The following TPST2 variants were observed in gnomAD, a reference collection of about 807,000 sequenced individuals.
TPST2 encodes tyrosylprotein sulfotransferase 2, also known as protein-tyrosine sulfotransferase 2.
Under a neutral mutation model 27.8 loss-of-function variants are expected in TPST2, and 16 were observed. The observed-to-expected ratio is 0.58, with a 90% CI of 0.39 to 0.88. The LOEUF is 0.88. TPST2 is among the 40% of genes least tolerant of loss of function. The probability of loss-of-function intolerance (pLI) is 0.00; values close to 1 mark genes in which losing one functional copy is unlikely to be tolerated. For synonymous variants in TPST2, 229 were observed against 231.7 expected, an observed-to-expected ratio of 0.99 and a Z score of 0.10; for missense variants, 464 against 543.1, an observed-to-expected ratio of 0.85 and a Z score of 1.45.
intron 1 of TPST2, among the ~76,000 whole-genome samples, chr22:26,554,850 A>T (rs7288604): frequency 0.21 from 32,288 of 152,198 alleles, 4,154 homozygotes; most frequent in Non-Finnish European, 0.29. Flanking sequence ...AAGCACAAGA[A>T]TTGCTTGAAC....
At chr22:26,560,836 T>C in intron 1 of TPST2, 1 of 1,567,556 alleles carries the variant, frequency 6.4e-7, no homozygotes, top group Non-Finnish European at 8.8e-7. Flanking sequence ...GCCTTCTTCC[T>C]GTTCTGCTCT....
intron 6 of TPST2, among the ~76,000 whole-genome samples, chr22:26,526,907 G>A (rs1343839762): frequency 3.9e-5 from 6 of 152,056 alleles, no homozygotes; most frequent in South Asian, 4.1e-4. Flanking sequence ...GTGAAACCCC[G>A]TCTCTACTAA....
At position 26,522,729 on chromosome 22, in the gene TPST2, TC is replaced by T. The variant is rs1457086509; in HGVS notation, c.*3545del. On this transcript the variant is annotated 3_prime_UTR_variant, in exon 7 of 7. Transcript: ENST00000338754. ...GGAATGCTCAAAAAAGATGGTTTGC[TC>T]TAGAACAGGCAGCTGGTAAAAGGAG... 6.6e-6 allele frequency: 1 copy of T among 152,232 alleles called. No homozygotes were observed. Among genetic ancestry groups the T allele is most frequent in the African/African-American group, 2.4e-5 (1 of 41,432 alleles). The allele number at this position is 152,232 out of a possible 1,614,324, so 9.4% of individuals were successfully genotyped here.
intron 6 of TPST2, among the ~76,000 whole-genome samples, chr22:26,527,939 C>G (rs1172844186): frequency 2.0e-5 from 3 of 152,180 alleles, no homozygotes; most frequent in Non-Finnish European, 4.4e-5. Context: ...TGCTTCCTGC[C>G]CTGTCCCCAG....
chr22:26,536,221 G>A, intron 4 of TPST2, 67 bp downstream of exon 4: 1 of 1,571,150 alleles, frequency 6.4e-7, no homozygotes, highest in Non-Finnish European at 8.7e-7. Context: ...GGTGGCTGGA[G>A]TTTCCACATC....
At chr22:26,582,653 C>T (rs1015763060) in intron 1 of TPST2, among the ~76,000 whole-genome samples, 4 of 152,156 alleles carry the variant, frequency 2.6e-5, no homozygotes, top group South Asian at 2.1e-4. Flanking sequence ...TGCACCCCAA[C>T]ATCCAGTTGA....
intron 2 of TPST2, 23 bp downstream of exon 2, chr22:26,544,581 A>G: frequency 1.0e-6 from 1 of 985,396 alleles, no homozygotes; most frequent in Non-Finnish European, 1.2e-6. Context: ...ACTCCAGGGG[A>G]AGTTCCTTCT....
At chr22:26,546,359 G>A (rs1329898099) in intron 1 of TPST2, among the ~76,000 whole-genome samples, 1 of 152,218 alleles carries the variant, frequency 6.6e-6, no homozygotes, top group Non-Finnish European at 1.5e-5. Flanking sequence ...CCTGGGACAT[G>A]GGCGGTCAAT....
intron 1 of TPST2, among the ~76,000 whole-genome samples, chr22:26,582,849 G>A (rs1352259460): frequency 6.6e-6 from 1 of 152,146 alleles, no homozygotes; most frequent in African/African-American, 2.4e-5. Context: ...TGGCTTCTGG[G>A]AAATGGCGTG....
chr22:26,584,827 TA>T (rs1449786071), intron 1 of TPST2, among the ~76,000 whole-genome samples: 1 of 152,226 alleles, frequency 6.6e-6, no homozygotes, highest in Admixed American at 6.5e-5. Context: ...TTAAATGAGT[TA>T]AACCACATAC....
chr22:26,551,021 T>C (rs1926441063), intron 1 of TPST2, among the ~76,000 whole-genome samples: 1 of 152,170 alleles, frequency 6.6e-6, no homozygotes, highest in South Asian at 2.1e-4. Flanking sequence ...ACGCCAGGCA[T>C]GGTGGCTCAT....
intron 4 of TPST2, among the ~76,000 whole-genome samples, chr22:26,534,546 C>T (rs1925342997): frequency 6.6e-6 from 1 of 152,214 alleles, no homozygotes; most frequent in Admixed American, 6.5e-5. Context: ...ACTCCAGGAA[C>T]GTCCGACCCA....
chr22:26,560,848 C>G (rs535621177), intron 1 of TPST2: 72 of 1,583,886 alleles, frequency 4.5e-5, no homozygotes, highest in Non-Finnish European at 6.1e-5. Flanking sequence ...TTCTGCTCTG[C>G]GTATCGCCCA....
At position 26,541,516 on chromosome 22, in the gene TPST2, G is replaced by T. The variant is rs761234372; in HGVS notation, c.115C>A (p.Arg39=). 2.3e-5 allele frequency: 37 copies of T among 1,611,342 alleles called. No homozygotes were observed. Among genetic ancestry groups the T allele is most frequent in the Non-Finnish European group, 3.1e-5 (36 of 1,178,986 alleles). The change falls in exon 3 of 7, where the codon CGG becomes AGG. Residue 39 remains arginine (R), a synonymous_variant. Transcript: ENST00000338754. The surrounding 1 kb of genome is among the most constrained non-coding windows in gnomAD (Gnocchi z 5.9). ...LECRAVLAGL[R]SPRGAMRPEQ... is the part of the protein sequence containing the mutation. ...GGCCGCATGGCCCCCCGGGGGCTCC[G>T]CAGGCCCGCCAGCACCGCCCGGCAC... is the stretch of plus-strand genomic sequence containing the variant.
At chr22:26,562,917 G>A (rs1354843765) in intron 1 of TPST2, among the ~76,000 whole-genome samples, 1 of 152,042 alleles carries the variant, frequency 6.6e-6, no homozygotes. Flanking sequence ...TTGCCATTCA[G>A]GGAACCATCG....
At chr22:26,579,575 A>C (rs1380362185) in intron 1 of TPST2, among the ~76,000 whole-genome samples, 2 of 152,150 alleles carry the variant, frequency 1.3e-5, no homozygotes, top group African/African-American at 2.4e-5. Context: ...CACACCTCCA[A>C]AGGTTTCTGG....
At chr22:26,555,639 G>A (rs569240631) in intron 1 of TPST2, among the ~76,000 whole-genome samples, 49 of 152,244 alleles carry the variant, frequency 3.2e-4, no homozygotes, top group Non-Finnish European at 5.7e-4. Flanking sequence ...CGGCCATTGA[G>A]CCGGCAGACA....
intron 3 of TPST2, among the ~76,000 whole-genome samples, chr22:26,539,361 T>C (rs182049098): frequency 4.3e-4 from 66 of 151,816 alleles, no homozygotes; most frequent in Non-Finnish European, 2.5e-4. Context: ...GGTCTCAGGA[T>C]AGGGACAGCA....
At chr22:26,570,041 A>AAGAAAGAAAGAAAGAAAGAC (rs1602296032) in intron 1 of TPST2, among the ~76,000 whole-genome samples, 1 of 103,390 alleles carries the variant, frequency 9.7e-6, no homozygotes, top group Admixed American at 9.8e-5. Context: ...GAAAGAAAGA[A>AAGAAAGAAAGAAAGAAAGAC]AGACAGAAAG....
Sources: gnomAD v4.1 joint callset for allele counts (sites outside exome capture counted in the v4.1 genomes callset) on GRCh38, gnomAD v4.1.1 for gene constraint, Gnocchi (gnomAD v3.1) non-coding constraint, MANE v1.5 for transcripts, NCBI Gene and HGNC (gene_info 2026-07-23, HGNC 2026-07-21) for gene names.